The following WIPF3 variants were observed in gnomAD, a reference collection of about 807,000 sequenced individuals.
The protein encoded by WIPF3 is WAS/WASL-interacting protein family member 3.
A neutral mutation model predicts 38.9 loss-of-function variants in WIPF3; 33 were observed. The ratio of observed to expected loss-of-function variants is 0.85; its 90% CI spans 0.64 to 1.14. WIPF3 has a LOEUF of 1.14. Among genes scored for constraint, WIPF3 ranks in the 50% most tolerant of loss-of-function variants. The pLI is 0.00. For synonymous variants in WIPF3, 324 were observed against 269.3 expected, an observed-to-expected ratio of 1.20 and a Z score of -1.99; for missense variants, 711 against 652.5, an observed-to-expected ratio of 1.09 and a Z score of -0.98.
At chr7:29,813,823 C>T (rs575638414) in intron 1 of WIPF3, among the ~76,000 whole-genome samples, 1 of 152,176 alleles carries the variant, frequency 6.6e-6, no homozygotes, top group African/African-American at 2.4e-5. Flanking sequence ...CGCTTCTCAT[C>T]TCCCTCCCCT....
chr7:29,880,877 A>T (rs1785700914), intron 4 of WIPF3, among the ~76,000 whole-genome samples: 1 of 152,012 alleles, frequency 6.6e-6, no homozygotes, highest in Non-Finnish European at 1.5e-5. Flanking sequence ...CACTTTCCCA[A>T]CAGCCCCCTT....
chr7:29,835,880 C>A (rs1216445071), intron 2 of WIPF3, among the ~76,000 whole-genome samples: 1 of 152,202 alleles, frequency 6.6e-6, no homozygotes, highest in Non-Finnish European at 1.5e-5. Flanking sequence ...ATGCAACCCT[C>A]CCTCAGATGT....
At position 29,884,155 on chromosome 7, in the gene WIPF3, T is replaced by A. The variant is rs1444057328; in HGVS notation, c.661T>A (p.Cys221Ser). 3.2e-6 allele frequency: 4 copies of A among 1,259,586 alleles called. No individual in the cohort carries two copies. The East Asian group carries it at 1.6e-4, about 50-fold the overall frequency. 78.0% of individuals were successfully genotyped at this position (1,259,586 alleles called of 1,614,324 possible). The change falls in exon 5 of 9, where the codon TGT (cysteine) becomes AGT (serine). Residue 221 changes from cysteine to serine, a missense_variant. Coordinates refer to ENST00000242140, the MANE Select transcript of WIPF3 (RefSeq NM_001080529.3). ...NLPVVAPPVP[C>S]APPPPPPPPP... The stretch of plus-strand genomic sequence containing the variant: ...CCCGGTGGTTGCACCCCCCGTCCCC[T>A]GTGCGCCACCACCTCCACCTCCGCC...
chr7:29,842,566 G>A (rs73303154), intron 2 of WIPF3, among the ~76,000 whole-genome samples: 2,272 of 152,218 alleles, frequency 0.015, 62 homozygotes, highest in African/African-American at 0.052. Context: ...ATGATTCCTC[G>A]GCAAAGTGGG....
intron 2 of WIPF3, among the ~76,000 whole-genome samples, chr7:29,860,070 G>T (rs1431775222): frequency 4.6e-5 from 7 of 152,148 alleles, no homozygotes; most frequent in Non-Finnish European, 1.0e-4. Flanking sequence ...GATTCTGGAA[G>T]GCCTTAAACT....
intron 7 of WIPF3, among the ~76,000 whole-genome samples, chr7:29,902,682 A>T (rs1338192443): frequency 1.3e-5 from 2 of 152,012 alleles, no homozygotes; most frequent in African/African-American, 4.8e-5. Context: ...TACTAAAAAT[A>T]TCAAAAAAAT....
At chr7:29,911,330 T>C (rs146628955) in intron 8 of WIPF3, among the ~76,000 whole-genome samples, 1 of 152,290 alleles carries the variant, frequency 6.6e-6, no homozygotes, top group African/African-American at 2.4e-5. Context: ...ATGTCAATAC[T>C]ACCCAAAGCA....
At chr7:29,824,460 C>A (rs974353221) in intron 1 of WIPF3, among the ~76,000 whole-genome samples, 8 of 151,892 alleles carry the variant, frequency 5.3e-5, no homozygotes, top group African/African-American at 1.9e-4. Flanking sequence ...GGCACCTGAA[C>A]ACAGTTTTGC....
At chr7:29,886,039 T>C (rs1340112120) in intron 5 of WIPF3, among the ~76,000 whole-genome samples, 2 of 152,234 alleles carry the variant, frequency 1.3e-5, no homozygotes, top group Non-Finnish European at 2.9e-5. Flanking sequence ...TGACAATATA[T>C]TCCATATTCC....
chr7:29,883,307 G>T (rs1785761398), intron 4 of WIPF3, among the ~76,000 whole-genome samples: 2 of 152,164 alleles, frequency 1.3e-5, no homozygotes, highest in Non-Finnish European at 2.9e-5. Context: ...AAGGGCAAAT[G>T]TCTCCCTCCA....
chr7:29,895,725 C>T (rs924015911), intron 7 of WIPF3, among the ~76,000 whole-genome samples: 12 of 152,154 alleles, frequency 7.9e-5, no homozygotes, highest in Non-Finnish European at 1.3e-4. Flanking sequence ...CGTGACGGAG[C>T]GGAGCAACAG....
chr7:29,868,518 G>GTATATATATATATA (rs138569662), intron 2 of WIPF3, among the ~76,000 whole-genome samples: 48 of 148,186 alleles, frequency 3.2e-4, no homozygotes, highest in African/African-American at 1.1e-3. Context: ...ATAATGAGAA[G>GTATATATATATATA]TATATATATA....
In WIPF3 at chr7:29,889,361, T is replaced by A; in HGVS notation, c.1305T>A (p.Asp435Glu). ...CTGTGGAAGACTTTCCCCCTCCGGATGAATATAAACCATGCCAGAAGATTT... is the reference window on the plus strand; with the variant it reads ...CTGTGGAAGACTTTCCCCCTCCGGAAGAATATAAACCATGCCAGAAGATTT... ...FHSVEDFPPP[D>E]EYKPCQKIYP... The change falls in exon 7 of 9, where the codon GAT becomes GAA. Residue 435 changes from aspartate (D) to glutamate (E), a missense_variant. Asp to Glu is a conservative substitution (Grantham distance 45). Coordinates refer to ENST00000242140, the MANE Select transcript of WIPF3 (RefSeq NM_001080529.3). The A allele has an allele frequency of 1.9e-6, 3 of 1,613,990 alleles. No homozygotes were observed. The African/African-American group carries it at 4.0e-5, about 22-fold the overall frequency.
At chr7:29,845,655 C>T (rs1468214729) in intron 2 of WIPF3, among the ~76,000 whole-genome samples, 1 of 152,232 alleles carries the variant, frequency 6.6e-6, no homozygotes, top group Non-Finnish European at 1.5e-5. Flanking sequence ...CTCTGCATAT[C>T]AGGCATTAGA....
chr7:29,870,468 G>T (rs1785474981), intron 2 of WIPF3, among the ~76,000 whole-genome samples: 1 of 152,134 alleles, frequency 6.6e-6, no homozygotes, highest in South Asian at 2.1e-4. Context: ...ACAGGAGTTT[G>T]CAATGGATTG....
chr7:29,899,294 T>C (rs927279148), intron 7 of WIPF3, among the ~76,000 whole-genome samples: 2 of 152,252 alleles, frequency 1.3e-5, no homozygotes, highest in Admixed American at 6.5e-5. Context: ...CAGTAACTTA[T>C]CAGAGAGGTC....
chr7:29,807,353 C>T (rs926508547), intron 1 of WIPF3, among the ~76,000 whole-genome samples: 1 of 152,202 alleles, frequency 6.6e-6, no homozygotes, highest in South Asian at 2.1e-4. Flanking sequence ...GTACATTTGG[C>T]CACAAATGGG....
At chr7:29,818,313 G>A (rs1374776755) in intron 1 of WIPF3, among the ~76,000 whole-genome samples, 2 of 151,778 alleles carry the variant, frequency 1.3e-5, no homozygotes, top group African/African-American at 4.8e-5. Flanking sequence ...AATTAACTGG[G>A]GTGGTGGCAC....
At chr7:29,873,723 C>G (rs907341530) in intron 2 of WIPF3, among the ~76,000 whole-genome samples, 1 of 152,200 alleles carries the variant, frequency 6.6e-6, no homozygotes, top group African/African-American at 2.4e-5. Flanking sequence ...TCATAAGTCC[C>G]TCTCAGGGGT....
Sources: allele counts gnomAD v4.1 joint callset (sites outside exome capture counted in the v4.1 genomes callset), GRCh38; gene constraint gnomAD v4.1.1; transcripts MANE v1.5; gene names NCBI Gene and HGNC (gene_info 2026-07-23, HGNC 2026-07-21).